Variants in LRP1B observed in about 807,000 individuals in gnomAD.
LRP1B encodes the protein LDL receptor related protein 1B.
A neutral mutation model predicts 556.6 loss-of-function variants in LRP1B; 217 were observed. The ratio of observed to expected loss-of-function variants is 0.39; its 90% CI spans 0.35 to 0.44. The LOEUF (loss-of-function observed/expected upper bound fraction) is 0.44. Ranked by LOEUF, LRP1B falls within the 20% of genes least tolerant of loss-of-function variation. The pLI is 1.00. For synonymous variants in LRP1B, 2,047 were observed against 1,865.8 expected (o/e 1.10, Z -2.50); for missense variants, 5,053 against 5,620.8 (o/e 0.90, Z 3.23).
At chr2:141,174,740 T>A (rs1460521721) in intron 7 of LRP1B, among the ~76,000 whole-genome samples, 1 of 152,026 alleles carries the variant, frequency 6.6e-6, no homozygotes, top group African/African-American at 2.4e-5. Flanking sequence ...TACAAAGATA[T>A]ATGAAAATGT....
rs529886272 is a variant in LRP1B, at chr2:141,753,080, C to T, written c.205+57199G>A. Among the ~76,000 whole-genome samples the T allele has an allele frequency of 6.0e-5, 9 of 149,266 alleles. No homozygotes were observed. In the South Asian group the frequency reaches 1.9e-3, roughly 32 times the overall value. On this transcript the variant is annotated intron_variant, in intron 2 of 90. Transcript: ENST00000389484. ...CCTAACCAACATGGAAAAATGCCTTCTGTATTAAAAATATAAAATTAGCTG... is the reference window on the plus strand; with the variant it reads ...CCTAACCAACATGGAAAAATGCCTTTTGTATTAAAAATATAAAATTAGCTG...
intron 1 of LRP1B, among the ~76,000 whole-genome samples, chr2:141,827,555 T>C (rs1477024396): frequency 6.6e-6 from 1 of 152,018 alleles, no homozygotes; most frequent in Admixed American, 6.6e-5. Context: ...ATCCAGAGAG[T>C]TGACATCAGA....
At chr2:141,978,937 T>G (rs1701967309) in intron 1 of LRP1B, among the ~76,000 whole-genome samples, 1 of 151,936 alleles carries the variant, frequency 6.6e-6, no homozygotes, top group African/African-American at 2.4e-5. Context: ...AAGACATTTT[T>G]TTTTCTGATA....
chr2:141,315,359 A>G (rs900624936), intron 3 of LRP1B, among the ~76,000 whole-genome samples: 2 of 132,860 alleles, frequency 1.5e-5, no homozygotes, highest in African/African-American at 2.9e-5. Flanking sequence ...TCTCGGGTTC[A>G]TCCCATTCTC....
intron 2 of LRP1B, among the ~76,000 whole-genome samples, chr2:141,727,843 C>A (rs1693100713): frequency 6.6e-6 from 1 of 151,914 alleles, no homozygotes; most frequent in African/African-American, 2.4e-5. Context: ...ATATATATAT[C>A]TCACAGAGTA....
chr2:141,528,737 G>A (rs903016922), intron 2 of LRP1B, among the ~76,000 whole-genome samples: 5 of 152,074 alleles, frequency 3.3e-5, no homozygotes, highest in African/African-American at 7.2e-5. Context: ...CCCTGGAAAT[G>A]TTAAGTACAT....
chr2:140,525,538 T>C (rs752372051), intron 49 of LRP1B, among the ~76,000 whole-genome samples: 1 of 151,956 alleles, frequency 6.6e-6, no homozygotes, highest in African/African-American at 2.4e-5. Flanking sequence ...AGGTATGTAA[T>C]AATTCTGTTG....
At chr2:141,156,580 A>G (rs1350304157) in intron 7 of LRP1B, among the ~76,000 whole-genome samples, 1 of 151,628 alleles carries the variant, frequency 6.6e-6, no homozygotes, top group Admixed American at 6.6e-5. Flanking sequence ...GTGAGCCGAG[A>G]TCACATCATT....
chr2:141,532,508 A>T (rs1050335309), intron 2 of LRP1B, among the ~76,000 whole-genome samples: 1 of 149,824 alleles, frequency 6.7e-6, no homozygotes, highest in Admixed American at 6.7e-5. Context: ...AGTCATTTTT[A>T]TTTTTTTTTT....
intron 2 of LRP1B, among the ~76,000 whole-genome samples, chr2:141,590,257 A>C (rs1292477651): frequency 6.6e-6 from 1 of 152,232 alleles, no homozygotes; most frequent in South Asian, 2.1e-4. Context: ...CTTAGATAAC[A>C]TGAAACATAT....
chr2:141,778,215 A>T (rs1169976089), intron 2 of LRP1B, among the ~76,000 whole-genome samples: 8 of 152,242 alleles, frequency 5.3e-5, no homozygotes, highest in Admixed American at 5.2e-4. Flanking sequence ...GAATAAGAAT[A>T]GGTGATTAGA....
intron 41 of LRP1B, among the ~76,000 whole-genome samples, chr2:140,684,708 A>G (rs1685986402): frequency 6.6e-6 from 1 of 152,226 alleles, no homozygotes. Flanking sequence ...CATGATATAG[A>G]CATTCTTGTA....
At chr2:141,043,803 T>C (rs1698779287) in intron 11 of LRP1B, among the ~76,000 whole-genome samples, 1 of 151,942 alleles carries the variant, frequency 6.6e-6, no homozygotes, top group African/African-American at 2.4e-5. Context: ...CATATTACAA[T>C]GAAAAATAAA....
At chr2:142,091,736 G>A (rs1162258927) in intron 1 of LRP1B, among the ~76,000 whole-genome samples, 1 of 152,080 alleles carries the variant, frequency 6.6e-6, no homozygotes, top group Non-Finnish European at 1.5e-5. Context: ...CCCAAAAGAC[G>A]TATCATAATT....
At chr2:140,547,200 A>G (rs1359729506) in intron 43 of LRP1B, among the ~76,000 whole-genome samples, 1 of 151,898 alleles carries the variant, frequency 6.6e-6, no homozygotes, top group African/African-American at 2.4e-5. Context: ...CTCCTCCTCA[A>G]TTTTTTTGTA....
rs181546306 is a variant in LRP1B at position 141,847,649 on chromosome 2, G to A, written c.83-37248C>T. On this transcript the variant is annotated intron_variant, in intron 1 of 90. Coordinates refer to ENST00000389484, the MANE Select transcript of LRP1B (RefSeq NM_018557.3). ...CTTAAGACCAACTTCTACATATAAGGCAACTTGATGTAGGGATGATATTAA... is the reference window on the plus strand; with the variant it reads ...CTTAAGACCAACTTCTACATATAAGACAACTTGATGTAGGGATGATATTAA... Among the ~76,000 whole-genome samples, 196 of 151,530 alleles carry A rather than the reference G, an allele frequency of 1.3e-3. 2 individuals carry two copies. The highest frequency in any genetic ancestry group is 3.4e-3 in the Middle Eastern group (1 of 294).
intron 2 of LRP1B, among the ~76,000 whole-genome samples, chr2:141,759,849 T>C (rs1055047540): frequency 2.0e-5 from 3 of 152,256 alleles, no homozygotes; most frequent in Non-Finnish European, 2.9e-5. Context: ...TGGAAAAATA[T>C]ACTTGAATAT....
intron 43 of LRP1B, among the ~76,000 whole-genome samples, chr2:140,595,559 G>A (rs1003387137): frequency 2.0e-5 from 3 of 151,934 alleles, no homozygotes; most frequent in African/African-American, 7.3e-5. Flanking sequence ...TGGGGACAAA[G>A]AACGTTTATT....
At chr2:141,020,575 A>G (rs72975041) in intron 11 of LRP1B, among the ~76,000 whole-genome samples, 7,611 of 151,970 alleles carry the variant, frequency 0.05, 232 homozygotes, top group Middle Eastern at 0.071. Flanking sequence ...CTCTTGCCCA[A>G]GGATGAACAG....
Sources: gnomAD v4.1 joint callset for allele counts (sites outside exome capture counted in the v4.1 genomes callset) on GRCh38, gnomAD v4.1.1 for gene constraint, MANE v1.5 for transcripts, NCBI Gene and HGNC (gene_info 2026-07-23, HGNC 2026-07-21) for gene names.